LMTK2: variants seen among roughly 807,000 people sequenced by gnomAD.
LMTK2 encodes the protein serine/threonine-protein kinase LMTK2.
In LMTK2, 37 loss-of-function variants were observed where a neutral mutation model predicts 127.5. The observed-to-expected ratio is 0.29, with a 90% confidence interval of 0.22 to 0.38. The LOEUF (loss-of-function observed/expected upper bound fraction) is 0.38. LMTK2 is among the 10% of genes least tolerant of loss of function. The pLI, the probability that LMTK2 is intolerant of heterozygous loss-of-function variation, is 1.00. For synonymous variants in LMTK2, 819 were observed against 810.1 expected, an observed-to-expected ratio of 1.01 and a Z score of -0.19; for missense variants, 1,694 against 1,920.3, an observed-to-expected ratio of 0.88 and a Z score of 2.20.
intron 3 of LMTK2, among the ~76,000 whole-genome samples, chr7:98,146,237 T>C (rs1796770758): frequency 6.6e-6 from 1 of 152,194 alleles, no homozygotes; most frequent in Admixed American, 6.5e-5. Flanking sequence ...TTTGGTTTTA[T>C]AGTAAGTTTT....
chr7:98,203,688 A>G lies in LMTK2; in HGVS notation c.4222A>G (p.Ser1408Gly). The G allele has an allele frequency of 6.2e-7, 1 of 1,613,848 alleles. No individual in the cohort carries two copies. The highest frequency in any genetic ancestry group is 8.5e-7 in the Non-Finnish European group (1 of 1,179,986). The change falls in exon 12 of 14, where the codon AGC (serine) becomes GGC (glycine). Residue 1408 changes from serine to glycine, a missense_variant. By Grantham distance (56) the Ser-to-Gly change is moderately conservative. Transcript: ENST00000297293. The stretch of plus-strand genomic sequence containing the variant: ...CCTGAGCAGGTGCATCAACTCCGAA[A>G]GCTCCACCGACGAAGAAGGTATTTC... ...PYLSRCINSESSTDEEGGGFE... is the reference protein window; with the variant it reads ...PYLSRCINSEGSTDEEGGGFE...
At chr7:98,117,218 A>G (rs891234501) in intron 1 of LMTK2, among the ~76,000 whole-genome samples, 4 of 152,136 alleles carry the variant, frequency 2.6e-5, no homozygotes, top group Non-Finnish European at 5.9e-5. Flanking sequence ...AGTTCTGTTG[A>G]AGAGACTCGC....
intron 1 of LMTK2, among the ~76,000 whole-genome samples, chr7:98,128,111 T>C (rs1378104397): frequency 6.6e-6 from 1 of 152,080 alleles, no homozygotes; most frequent in Non-Finnish European, 1.5e-5. Flanking sequence ...GCCACTGTGC[T>C]CCAGCCTGGG....
intron 1 of LMTK2, among the ~76,000 whole-genome samples, chr7:98,130,059 G>A (rs1416449129): frequency 6.6e-6 from 1 of 152,152 alleles, no homozygotes; most frequent in Non-Finnish European, 1.5e-5. Context: ...TGAATGAATG[G>A]TGGGGGCAGG....
chr7:98,203,442 G>GGA (rs1797738036), intron 11 of LMTK2, 132 bp from the exon 12 acceptor site: 1 of 1,230,762 alleles, frequency 8.1e-7, no homozygotes, highest in Non-Finnish European at 1.1e-6. Context: ...TCCCAGGCCT[G>GGA]GAGCCGCCCT....
At chr7:98,156,800 G>A (rs1022021416) in intron 5 of LMTK2, among the ~76,000 whole-genome samples, 1 of 152,194 alleles carries the variant, frequency 6.6e-6, no homozygotes, top group South Asian at 2.1e-4. Flanking sequence ...GAGACCCAGG[G>A]AATAGTCGAT....
At chr7:98,148,948 C>T (rs1200803834) in intron 3 of LMTK2, among the ~76,000 whole-genome samples, 1 of 152,204 alleles carries the variant, frequency 6.6e-6, no homozygotes, top group Non-Finnish European at 1.5e-5. Flanking sequence ...TCCAAAGCCC[C>T]CTTTCTCCTC....
At position 98,193,409 on chromosome 7, in the gene LMTK2, A is replaced by G; in HGVS notation, c.2944A>G (p.Ser982Gly). ...CAGTCAGGACAGCCTCCTGGAGGACAGCTTGTCAGCACCCTTCCCAGCCTC... is the reference window on the plus strand; with the variant it reads ...CAGTCAGGACAGCCTCCTGGAGGACGGCTTGTCAGCACCCTTCCCAGCCTC... ...STSQDSLLED[S>G]LSAPFPASEP... The change falls in exon 11 of 14, where the codon AGC becomes GGC. Residue 982 changes from serine (S) to glycine (G), a missense_variant. Ser to Gly is a moderately conservative substitution (Grantham distance 56). Coordinates refer to ENST00000297293, the MANE Select transcript of LMTK2 (RefSeq NM_014916.4). The surrounding 1 kb of genome is among the most constrained non-coding windows in gnomAD (Gnocchi z 4.1). 6.2e-7 allele frequency: 1 copy of G among 1,614,204 alleles called. No homozygotes were observed. Among genetic ancestry groups the G allele is most frequent in the South Asian group, 1.1e-5 (1 of 91,090 alleles).
intron 1 of LMTK2, among the ~76,000 whole-genome samples, chr7:98,134,978 T>G (rs900547047): frequency 2.0e-5 from 3 of 152,218 alleles, no homozygotes; most frequent in Non-Finnish European, 4.4e-5. Flanking sequence ...ACTCGGAGAT[T>G]CTCAACACCC....
intron 1 of LMTK2, among the ~76,000 whole-genome samples, chr7:98,120,322 C>T (rs1023518608): frequency 6.6e-6 from 1 of 152,074 alleles, no homozygotes; most frequent in East Asian, 1.9e-4. Flanking sequence ...ACTTTGTTTT[C>T]CCTGTTTTTG....
chr7:98,144,927 G>A (rs1223181965), intron 3 of LMTK2, among the ~76,000 whole-genome samples: 2 of 152,092 alleles, frequency 1.3e-5, no homozygotes, highest in African/African-American at 4.8e-5. Context: ...ACAGCCCCCT[G>A]TTGATGGATA....
At chr7:98,172,409 T>C (rs190564474) in intron 7 of LMTK2, among the ~76,000 whole-genome samples, 29 of 150,980 alleles carry the variant, frequency 1.9e-4, no homozygotes, top group Admixed American at 4.0e-4. Context: ...GGTTCACGCC[T>C]TGAATGACCG....
chr7:98,196,406 G>T (rs1466466695), intron 11 of LMTK2, among the ~76,000 whole-genome samples: 1 of 152,184 alleles, frequency 6.6e-6, no homozygotes, highest in Non-Finnish European at 1.5e-5. Context: ...CCTCGGGTTT[G>T]TGTTTTGTTT....
At chr7:98,114,267 G>A (rs538452649) in intron 1 of LMTK2, among the ~76,000 whole-genome samples, 175 of 149,184 alleles carry the variant, frequency 1.2e-3, no homozygotes, top group Non-Finnish European at 1.5e-3. Flanking sequence ...TTGAGACAGG[G>A]TCTTGTTCTG....
Position 98,191,753 on chromosome 7 carries a change from A to C in LMTK2, c.1288A>C (p.Lys430Gln). 1 of 1,614,172 alleles carries C rather than the reference A, an allele frequency of 6.2e-7. No homozygotes were observed. Among genetic ancestry groups the C allele is most frequent in the Non-Finnish European group, 8.5e-7 (1 of 1,180,026 alleles). The stretch of plus-strand genomic sequence containing the variant: ...CTTTGAACAGCAGTGGAACGCTCTG[A>C]AGCCGAACACAAACAGCAGAGACTC... ...VDFEQQWNAL[K>Q]PNTNSRDSSN... Residue 430 changes from lysine (K) to glutamine (Q), a missense_variant, in exon 11 of 14, where the codon AAG becomes CAG. Physicochemically the swap from Lys to Gln is moderately conservative, Grantham distance 53 (BLOSUM62 1). Transcript: ENST00000297293.
chr7:98,117,548 G>A (rs2116324474), intron 1 of LMTK2, among the ~76,000 whole-genome samples: 1 of 151,584 alleles, frequency 6.6e-6, no homozygotes, highest in East Asian at 1.9e-4. Flanking sequence ...TTTTTTTTAA[G>A]CATTTCCTTA....
intron 1 of LMTK2, among the ~76,000 whole-genome samples, chr7:98,113,625 T>C (rs1262119095): frequency 2.6e-5 from 4 of 152,124 alleles, no homozygotes; most frequent in Non-Finnish European, 5.9e-5. Flanking sequence ...GTTTTAAAAC[T>C]TTGTATTTAC....
chr7:98,155,797 G>GA (rs1355566976), intron 5 of LMTK2, among the ~76,000 whole-genome samples: 5 of 152,052 alleles, frequency 3.3e-5, no homozygotes, highest in Non-Finnish European at 7.4e-5. Context: ...AAACAGAAAA[G>GA]AAATGATAAA....
At chr7:98,122,688 G>A (rs1458804854) in intron 1 of LMTK2, among the ~76,000 whole-genome samples, 1 of 2,130 alleles carries the variant, frequency 4.7e-4, no homozygotes, top group African/African-American at 5.3e-4. Context: ...GTGTGTGTGT[G>A]TGTGTGTGTG....
Sources: allele counts gnomAD v4.1 joint callset (sites outside exome capture counted in the v4.1 genomes callset), GRCh38; gene constraint gnomAD v4.1.1; non-coding constraint Gnocchi (gnomAD v3.1); transcripts MANE v1.5; gene names NCBI Gene and HGNC (gene_info 2026-07-23, HGNC 2026-07-21).